The following HIP1R variants were observed in gnomAD, a reference collection of about 807,000 sequenced individuals.
The protein encoded by HIP1R is huntingtin interacting protein 1 related, also known as huntingtin-interacting protein 1-related protein.
In HIP1R, 135 loss-of-function variants were observed where a neutral mutation model predicts 144.2. The ratio of observed to expected loss-of-function variants is 0.94; its 90% CI spans 0.81 to 1.08. HIP1R has a LOEUF of 1.08. Ranked by LOEUF, HIP1R falls within the 50% of genes least tolerant of loss-of-function variation. The pLI is 0.00. For synonymous variants in HIP1R, 698 were observed against 612.8 expected, an observed-to-expected ratio of 1.14 and a Z score of -2.05; for missense variants, 1,462 against 1,432.8, an observed-to-expected ratio of 1.02 and a Z score of -0.33.
chr12:122,860,600 G>A, intron 27 of HIP1R, 77 bp downstream of exon 27: 1 of 1,556,426 alleles, frequency 6.4e-7, no homozygotes, highest in Non-Finnish European at 8.9e-7. Context: ...ACAGGGTGCA[G>A]GGAGTAGAGG....
At chr12:122,849,110 C>G (rs1358330758) in intron 4 of HIP1R, among the ~76,000 whole-genome samples, 1 of 152,250 alleles carries the variant, frequency 6.6e-6, no homozygotes, top group African/African-American at 2.4e-5. Flanking sequence ...GGAAATGTGG[C>G]AAGACCACAG....
In HIP1R at chr12:122,859,833, G is replaced by GA; in HGVS notation, c.2465+4dup. 1 of 1,612,120 alleles carries GA rather than the reference G, an allele frequency of 6.2e-7. No individual in the cohort carries two copies. The highest frequency in any genetic ancestry group is 1.1e-5 in the South Asian group (1 of 90,924). ...GTGAAGCTGGAGGTGAACGAGAGGT[G>GA]AGCCCCCCTTCTGTCCCCCCAGGCC... On this transcript the variant is annotated splice_donor_region_variant and intron_variant, in intron 24 of 31. Transcript: ENST00000253083.
chr12:122,846,349 C>T (rs970169558), intron 1 of HIP1R, among the ~76,000 whole-genome samples: 2 of 152,200 alleles, frequency 1.3e-5, no homozygotes, highest in Non-Finnish European at 2.9e-5. Flanking sequence ...GTTTCCTCAC[C>T]AGGAAAATGG....
chr12:122,858,042 G>T, intron 18 of HIP1R, 60 bp from the exon 19 acceptor site: 1 of 1,465,390 alleles, frequency 6.8e-7, no homozygotes, highest in Non-Finnish European at 9.1e-7. Context: ...TTCCAGGGCT[G>T]GGGCACATCC....
At chr12:122,842,858 T>C (rs1241186935) in intron 1 of HIP1R, among the ~76,000 whole-genome samples, 7 of 152,204 alleles carry the variant, frequency 4.6e-5, no homozygotes. Flanking sequence ...CCAGTGCAGC[T>C]CTGGGCTGCT....
intron 1 of HIP1R, among the ~76,000 whole-genome samples, chr12:122,841,544 A>T (rs1293097085): frequency 1.3e-5 from 2 of 152,240 alleles, no homozygotes; most frequent in Non-Finnish European, 2.9e-5. Context: ...ATGGCCATCC[A>T]TTCTAGGGAA....
rs146986458 is a variant in HIP1R at position 122,857,834 on chromosome 12, C to G, written c.1816-268C>G. ...TGTGTTTCCCTGATAGCAAAGGGTG[C>G]TACATATCTTTTCATGAGCTACCTG... On this transcript the variant is annotated intron_variant, in intron 18 of 31. Transcript: ENST00000253083. The G allele has an allele frequency of 2.5e-5, 10 of 396,142 alleles. No homozygotes were observed. In the East Asian group the frequency reaches 3.8e-4, roughly 15 times the overall value. The allele number at this position is 396,142 out of a possible 1,614,324, so 24.5% of individuals were successfully genotyped here. A position where few individuals can be genotyped will look rare whatever the true frequency, so the allele number is the denominator to read the frequency against.
At position 122,855,625 on chromosome 12, in the gene HIP1R, G is replaced by A; in HGVS notation, c.1055+13G>A. The A allele has an allele frequency of 6.5e-7, 1 of 1,550,056 alleles. No individual in the cohort carries two copies. The highest frequency in any genetic ancestry group is 8.7e-7 in the Non-Finnish European group (1 of 1,146,892). On this transcript the variant is annotated intron_variant, in intron 12 of 31. Coordinates refer to ENST00000253083, the MANE Select transcript of HIP1R (RefSeq NM_003959.3). ...TGAAGGACGACAGGTGAGGGCTGGA[G>A]GAGCCGACTGGGCTGGGGGTGGTTG...
In HIP1R at chr12:122,858,273, C is replaced by A. The variant is rs779320983; in HGVS notation, c.1963+24C>A. On this transcript the variant is annotated intron_variant, in intron 19 of 31. Coordinates refer to ENST00000253083, the MANE Select transcript of HIP1R (RefSeq NM_003959.3). ...AGGTAGACAGTGGGGCCACACTCAG[C>A]CGCTCCCCTGCCTCCTTCCCATCCC... is the stretch of plus-strand genomic sequence containing the variant. 6 of 1,576,536 alleles carry A rather than the reference C, an allele frequency of 3.8e-6. No individual in the cohort carries two copies. In the African/African-American group the frequency reaches 8.1e-5, roughly 21 times the overall value.
At chr12:122,835,456 C>A (rs1443260801), upstream of HIP1R, 2 of 1,159,408 alleles carry the variant, frequency 1.7e-6, no homozygotes, top group Non-Finnish European at 2.1e-6. Context: ...CCGGGCGCGG[C>A]GCGGTGGCCT....
intron 8 of HIP1R, 31 bp from the exon 9 acceptor site, chr12:122,854,874 G>A: frequency 6.2e-7 from 1 of 1,609,800 alleles, no homozygotes; most frequent in African/African-American, 1.3e-5. Flanking sequence ...AGTGTGCAGA[G>A]AAGTCCTGTT....
chr12:122,855,060 A>C lies in HIP1R; in HGVS notation c.784A>C (p.Asn262His). The C allele has an allele frequency of 6.2e-7, 1 of 1,613,816 alleles. No homozygotes were observed. The highest frequency in any genetic ancestry group is 8.5e-7 in the Non-Finnish European group (1 of 1,179,970). ...TTCCCACCATCTCTGCAGCCTCAGGAACTTCTTCCGCAGAGCCTCCGACAT... is the reference window on the plus strand; with the variant it reads ...TTCCCACCATCTCTGCAGCCTCAGGCACTTCTTCCGCAGAGCCTCCGACAT... ...RFHEQFHSLR[N>H]FFRRASDMLY... is the part of the protein sequence containing the mutation. The change falls in exon 10 of 32, where the codon AAC (asparagine) becomes CAC (histidine). Residue 262 changes from asparagine (N) to histidine (H), a missense_variant. Physicochemically the swap from Asn to His is moderately conservative, Grantham distance 68 (BLOSUM62 1). Around this residue, in one of 2 missense-constraint regions of HIP1R, gnomAD observed 350 missense variants for 421.1 expected, o/e 0.83. Coordinates refer to ENST00000253083, the MANE Select transcript of HIP1R (RefSeq NM_003959.3).
intron 23 of HIP1R, 65 bp from the exon 24 acceptor site, chr12:122,859,707 C>T: frequency 6.4e-7 from 1 of 1,569,008 alleles, no homozygotes; most frequent in Non-Finnish European, 8.7e-7. Flanking sequence ...AGGAGGCAGC[C>T]CTGGCTTTCC....
At chr12:122,854,249 A>G (rs940091831) in intron 8 of HIP1R, 66 bp downstream of exon 8, 1 of 1,442,136 alleles carries the variant, frequency 6.9e-7, no homozygotes, top group Non-Finnish European at 9.3e-7. Context: ...ATTCACTGTC[A>G]AAAAGGAAAA....
intron 1 of HIP1R, among the ~76,000 whole-genome samples, chr12:122,841,115 A>G (rs2135631999): frequency 6.6e-6 from 1 of 152,286 alleles, no homozygotes; most frequent in East Asian, 1.9e-4. Context: ...TCTGTTGGCA[A>G]TGCCCTTACC....
chr12:122,848,351 G>T, intron 2 of HIP1R, 115 bp from the exon 3 acceptor site: 1 of 1,319,222 alleles, frequency 7.6e-7, no homozygotes. Context: ...ACCCGGGGTT[G>T]ATGGGCACGT....
chr12:122,843,436 G>A (rs2033114589), intron 1 of HIP1R, among the ~76,000 whole-genome samples: 1 of 152,220 alleles, frequency 6.6e-6, no homozygotes. Context: ...ACAAGGCTGA[G>A]CTCAATAAAA....
At chr12:122,857,684 T>G in intron 18 of HIP1R, 1 of 273,914 alleles carries the variant, frequency 3.7e-6, no homozygotes, top group Admixed American at 4.8e-5. Flanking sequence ...GCTGCACCAT[T>G]TTACACTCCC....
In HIP1R at chr12:122,861,484, G is replaced by A. The variant is rs1265072961; in HGVS notation, c.3129G>A (p.Lys1043=). ...VTTKKPPLAQ[K]PSVAPRQDHQ... ...CCAAGAAACCACCCCTGGCCCAGAA[G>A]CCCAGCGTGGCCCCCAGACAGGACC... The change falls in exon 31 of 32, where the codon AAG becomes AAA. Residue 1043 remains lysine, a synonymous_variant. Transcript: ENST00000253083. 6.2e-7 allele frequency: 1 copy of A among 1,612,360 alleles called. No individual in the cohort carries two copies. The highest frequency in any genetic ancestry group is 1.3e-5 in the African/African-American group (1 of 74,740).
Sources: gnomAD v4.1 joint callset for allele counts (sites outside exome capture counted in the v4.1 genomes callset) on GRCh38, gnomAD v4.1.1 for gene constraint, gnomAD v4.1.1 regional missense constraint, MANE v1.5 for transcripts, NCBI Gene and HGNC (gene_info 2026-07-23, HGNC 2026-07-21) for gene names.